Variants in PIGN observed in about 807,000 individuals in gnomAD.
PIGN encodes the protein phosphatidylinositol glycan anchor biosynthesis class N, also known as GPI ethanolamine phosphate transferase 1.
Under a neutral mutation model 125.4 loss-of-function variants are expected in PIGN, and 117 were observed. That is an observed-to-expected ratio of 0.93 (90% CI 0.80 to 1.09). PIGN has a LOEUF of 1.09. Ranked by LOEUF, PIGN falls within the 50% of genes least tolerant of loss-of-function variation. PIGN has a pLI of 0.00. For missense variants in PIGN, 1,075 were observed against 1,094.9 expected (o/e 0.98, Z 0.26); for synonymous variants, 392 against 377.8 (o/e 1.04, Z -0.44).
intron 1 of PIGN, among the ~76,000 whole-genome samples, chr18:62,170,260 G>A (rs1296303724): frequency 6.6e-6 from 1 of 152,130 alleles, no homozygotes; most frequent in Non-Finnish European, 1.5e-5. Context: ...ACATCTTATT[G>A]TGCTTTACTT....
chr18:62,176,218 A>G (rs949940129), intron 1 of PIGN, among the ~76,000 whole-genome samples: 1 of 152,160 alleles, frequency 6.6e-6, no homozygotes, highest in African/African-American at 2.4e-5. Context: ...TATCTCTACC[A>G]GAATACAATG....
chr18:62,019,987 G>A (rs1599373817), intron 23 of PIGN, among the ~76,000 whole-genome samples: 1 of 152,260 alleles, frequency 6.6e-6, no homozygotes, highest in East Asian at 1.9e-4. Flanking sequence ...CAGTCAGAAT[G>A]TGCAGGGCAC....
At position 62,115,183 on chromosome 18, in the gene PIGN, C is replaced by T. The variant is rs898787123; in HGVS notation, c.1173-544G>A. Among the ~76,000 whole-genome samples the T allele has an allele frequency of 3.9e-5, 6 of 152,108 alleles. No homozygotes were observed. In the East Asian group the frequency reaches 1.2e-3, roughly 29 times the overall value. On this transcript the variant is annotated intron_variant, in intron 14 of 30. Coordinates refer to ENST00000640252, the MANE Select transcript of PIGN (RefSeq NM_176787.5). ...ACTATATCATATACCTTCTTCGTTC[C>T]TCTTTCATTTCTCTTTCCACCATTT...
intron 7 of PIGN, among the ~76,000 whole-genome samples, chr18:62,151,429 G>A (rs2036531959): frequency 6.6e-6 from 1 of 152,152 alleles, no homozygotes; most frequent in South Asian, 2.1e-4. Context: ...AGACCAAATG[G>A]CATAGTATGC....
At chr18:62,163,731 G>A (rs954848034) in intron 1 of PIGN, 75 bp from the exon 2 acceptor site, 2 of 152,056 alleles carry the variant, frequency 1.3e-5, no homozygotes, top group Admixed American at 1.3e-4. Context: ...TTAAAGCACA[G>A]AGTTCTGTAG....
chr18:62,095,904 C>T lies in PIGN; in HGVS notation c.2124G>A (p.Gln708=), dbSNP rs768321430. The change falls in exon 23 of 31, where the codon CAG becomes CAA. Residue 708 remains glutamine (Q), a synonymous_variant. Transcript: ENST00000640252. ...VPLLSSPVLF[Q]RLFSILLSLM... ...ATGAAAGAAGTATGCTGAACAATCGCTGAAAGAGAACTGGAGAACTCAGTA... is the reference window on the plus strand; with the variant it reads ...ATGAAAGAAGTATGCTGAACAATCGTTGAAAGAGAACTGGAGAACTCAGTA... 20 of 1,613,182 alleles carry T rather than the reference C, an allele frequency of 1.2e-5. No homozygotes were observed. In the Admixed American group the frequency reaches 2.0e-4, roughly 16 times the overall value.
intron 22 of PIGN, among the ~76,000 whole-genome samples, chr18:62,096,554 A>G (rs1217444776): frequency 1.4e-5 from 1 of 74,062 alleles, no homozygotes; most frequent in Non-Finnish European, 2.3e-5. Context: ...ATTATACTCT[A>G]AGTTTTAGGG....
chr18:62,121,237 T>G (rs1382527354), intron 14 of PIGN, among the ~76,000 whole-genome samples: 1 of 152,104 alleles, frequency 6.6e-6, no homozygotes, highest in Non-Finnish European at 1.5e-5. Context: ...CAGCCAGCAG[T>G]GTCATTTTAG....
chr18:62,074,604 A>G (rs548103825), intron 29 of PIGN, among the ~76,000 whole-genome samples, 175 bp downstream of exon 29: 2 of 152,348 alleles, frequency 1.3e-5, no homozygotes, highest in African/African-American at 2.4e-5. Flanking sequence ...CCTGAAGAAG[A>G]GCACACATCC....
intron 1 of PIGN, among the ~76,000 whole-genome samples, chr18:62,168,372 G>T (rs2037230175): frequency 6.6e-6 from 1 of 152,002 alleles, no homozygotes; most frequent in South Asian, 2.1e-4. Flanking sequence ...ATACCCCTTA[G>T]CATATTCACC....
At chr18:62,055,716 T>C (rs1327082071) in intron 30 of PIGN, among the ~76,000 whole-genome samples, 1 of 152,082 alleles carries the variant, frequency 6.6e-6, no homozygotes, top group Non-Finnish European at 1.5e-5. Flanking sequence ...TATAATAATG[T>C]TAAAATGAAA....
At chr18:62,068,378 T>C (rs1047916228) in intron 30 of PIGN, among the ~76,000 whole-genome samples, 3 of 152,204 alleles carry the variant, frequency 2.0e-5, no homozygotes, top group African/African-American at 7.2e-5. Context: ...TTCCTCCCTC[T>C]GGTTATCTAT....
chr18:62,042,474 T>C lies in PIGN; in HGVS notation c.*3382A>G, dbSNP rs2030416066. ...TGAAGGTAGAAAGTTGAGCAGTAACTGTAACCCGTTTTAAGTGTACCCAAG... is the reference window on the plus strand; with the variant it reads ...TGAAGGTAGAAAGTTGAGCAGTAACCGTAACCCGTTTTAAGTGTACCCAAG... On this transcript the variant is annotated 3_prime_UTR_variant, in exon 31 of 31. Coordinates refer to ENST00000640252, the MANE Select transcript of PIGN (RefSeq NM_176787.5). 2 of 152,238 alleles carry C rather than the reference T, an allele frequency of 1.3e-5. No individual in the cohort carries two copies. Among genetic ancestry groups the C allele is most frequent in the South Asian group, 2.1e-4 (1 of 4,828 alleles). 9.4% of individuals were successfully genotyped at this position (152,238 alleles called of 1,614,324 possible). A position where few individuals can be genotyped will look rare whatever the true frequency, so the allele number is the denominator to read the frequency against.
chr18:62,167,711 TATAC>T lies in PIGN; in HGVS notation c.-235-4059_-235-4056del, dbSNP rs1279090854. Among the ~76,000 whole-genome samples, 191 of 151,464 alleles carry T rather than the reference TATAC, an allele frequency of 1.3e-3. 1 individual carries two copies. The highest frequency in any genetic ancestry group is 0.01 in the Middle Eastern group (3 of 286). ...CTCTCTCTCTCTACATATATATATA[TATAC>T]ACACACACACAATAGAAGTGTAGTG... On this transcript the variant is annotated intron_variant, in intron 1 of 30. Coordinates refer to ENST00000640252, the MANE Select transcript of PIGN (RefSeq NM_176787.5).
chr18:62,154,216 A>G (rs1290170194), intron 7 of PIGN: 1 of 340,884 alleles, frequency 2.9e-6, no homozygotes, highest in Non-Finnish European at 5.2e-6. Context: ...GCTTTCCTAC[A>G]TCTCATATGG....
rs184939076 is a variant in PIGN, at chr18:62,078,769, C to T, written c.2576+3904G>A. ...GATCCTATGAGTTTCCTCGTAAATA[C>T]CTTTTTATTCAAGAGATAAATACCT... is the stretch of plus-strand genomic sequence containing the variant. On this transcript the variant is annotated intron_variant, in intron 28 of 30. Coordinates refer to ENST00000640252, the MANE Select transcript of PIGN (RefSeq NM_176787.5). Among the ~76,000 whole-genome samples, 24 of 152,288 alleles carry T rather than the reference C, an allele frequency of 1.6e-4. No individual in the cohort carries two copies. The East Asian group carries it at 4.4e-3, about 28-fold the overall frequency.
intron 14 of PIGN, among the ~76,000 whole-genome samples, chr18:62,133,351 T>C: frequency 6.6e-6 from 1 of 152,212 alleles, no homozygotes; most frequent in East Asian, 1.9e-4. Flanking sequence ...AATCTATATG[T>C]TTGGCCTGCA....
At position 62,090,519 on chromosome 18, in the gene PIGN, T is replaced by G; in HGVS notation, c.2240A>C (p.Glu747Ala). Residue 747 changes from glutamate (E) to alanine (A), a missense_variant, in exon 24 of 31, where the codon GAA becomes GCA. Glu to Ala is a moderately radical substitution (Grantham distance 107). Coordinates refer to ENST00000640252, the MANE Select transcript of PIGN (RefSeq NM_176787.5). ...SCLMFVWINI[E>A]QETLQQSGVC... ...ACCAGATTGTTGTAGAGTTTCTTGT[T>G]CTATGTTTATCCAGACAAACATCAA... 6.2e-7 allele frequency: 1 copy of G among 1,611,208 alleles called. No homozygotes were observed. The highest frequency in any genetic ancestry group is 1.3e-5 in the African/African-American group (1 of 74,940).
intron 23 of PIGN, among the ~76,000 whole-genome samples, chr18:62,026,775 G>C (rs1417521156): frequency 6.6e-6 from 1 of 152,184 alleles, no homozygotes; most frequent in African/African-American, 2.4e-5. Context: ...AGACATATCA[G>C]AAGTTCCCAG....
Sources: gnomAD v4.1 joint callset for allele counts (sites outside exome capture counted in the v4.1 genomes callset) on GRCh38, gnomAD v4.1.1 for gene constraint, MANE v1.5 for transcripts, NCBI Gene and HGNC (gene_info 2026-07-23, HGNC 2026-07-21) for gene names.